Variants in FOXK2 observed in about 807,000 individuals in gnomAD.
FOXK2 encodes the protein forkhead box protein K2.
FOXK2 carries 24 observed loss-of-function variants against 53.3 expected under a neutral mutation model. The ratio of observed to expected loss-of-function variants is 0.45; its 90% CI spans 0.33 to 0.63. The LOEUF is 0.63. Ranked by LOEUF, FOXK2 falls within the 30% of genes least tolerant of loss-of-function variation. The probability of loss-of-function intolerance (pLI) is 0.03; values close to 1 mark genes in which losing one functional copy is unlikely to be tolerated. For missense variants in FOXK2, 952 were observed against 910.5 expected, an observed-to-expected ratio of 1.05 and a Z score of -0.59; for synonymous variants, 505 against 407.1, an observed-to-expected ratio of 1.24 and a Z score of -2.89.
chr17:82,556,171 C>T (rs112110511), intron 1 of FOXK2, among the ~76,000 whole-genome samples: 3,344 of 152,176 alleles, frequency 0.022, 50 homozygotes, highest in African/African-American at 0.034. Context: ...GTTGGCCGGG[C>T]ACGGTGGCTC....
At chr17:82,579,038 A>G (rs767984282) in intron 4 of FOXK2, among the ~76,000 whole-genome samples, 1 of 152,144 alleles carries the variant, frequency 6.6e-6, no homozygotes. Context: ...TCAGACTCGG[A>G]TGCTGCGTGG....
chr17:82,591,904 C>G (rs1381535940), intron 8 of FOXK2, among the ~76,000 whole-genome samples: 3 of 152,196 alleles, frequency 2.0e-5, no homozygotes, highest in Non-Finnish European at 4.4e-5. Context: ...ATGACTTCAT[C>G]TTTGCTGCTG....
At chr17:82,542,650 C>T (rs1470953252) in intron 1 of FOXK2, among the ~76,000 whole-genome samples, 1 of 152,106 alleles carries the variant, frequency 6.6e-6, no homozygotes, top group Non-Finnish European at 1.5e-5. Flanking sequence ...ATAGGAGAAA[C>T]AGCAGAGGAC....
chr17:82,600,107 C>T (rs1218390929), intron 8 of FOXK2: 2 of 152,304 alleles, frequency 1.3e-5, no homozygotes, highest in Non-Finnish European at 2.9e-5. Flanking sequence ...GGGCCTAGGA[C>T]CTGCTTCTCA....
At chr17:82,569,556 A>G (rs1408068192) in intron 3 of FOXK2, among the ~76,000 whole-genome samples, 1 of 152,178 alleles carries the variant, frequency 6.6e-6, no homozygotes, top group Non-Finnish European at 1.5e-5. Context: ...ACTGATGTTC[A>G]CTTTGCAAAA....
chr17:82,540,268 C>T (rs1405253070), intron 1 of FOXK2, among the ~76,000 whole-genome samples: 12 of 145,508 alleles, frequency 8.2e-5, no homozygotes, highest in Non-Finnish European at 3.0e-5. Context: ...GCAACAAGAG[C>T]GAAACTGTCT....
intron 8 of FOXK2, among the ~76,000 whole-genome samples, chr17:82,587,716 G>C (rs35814094): frequency 6.6e-6 from 1 of 152,118 alleles, no homozygotes; most frequent in Non-Finnish European, 1.5e-5. Flanking sequence ...AAAACCGCAC[G>C]GATGTTCTGA....
intron 8 of FOXK2, chr17:82,599,863 C>T (rs557075089): frequency 6.6e-6 from 1 of 152,430 alleles, no homozygotes; most frequent in East Asian, 1.9e-4. Flanking sequence ...TGGGCAAGTC[C>T]CCCTCCCACA....
chr17:82,520,156 G>A lies in FOXK2; in HGVS notation c.268G>A (p.Gly90Ser), dbSNP rs1347101265. 6.6e-7 allele frequency: 1 copy of A among 1,515,010 alleles called. No individual in the cohort carries two copies. The highest frequency in any genetic ancestry group is 2.1e-5 in the Admixed American group (1 of 48,500). 93.8% of individuals were successfully genotyped at this position (1,515,010 alleles called of 1,614,324 possible). ...GATCTTCACGCCCCCGGGCGGCGGC[G>A]GCCATGGCGGGGCCGCTCCGGAGCT... is the stretch of plus-strand genomic sequence containing the variant. ...LEIFTPPGGG[G>S]HGGAAPELPP... is the part of the protein sequence containing the mutation. Residue 90 changes from glycine to serine, a missense_variant, in exon 1 of 9, where the codon GGC (glycine) becomes AGC (serine). Physicochemically the swap from Gly to Ser is moderately conservative, Grantham distance 56. Transcript: ENST00000335255.
In FOXK2 at chr17:82,520,453, C is replaced by T. The variant is rs998277965; in HGVS notation, c.419+146C>T. 2.5e-4 allele frequency: 171 copies of T among 682,088 alleles called. 1 individual carries two copies. The highest frequency in any genetic ancestry group is 1.4e-3 in the South Asian group (19 of 13,328). The allele number at this position is 682,088 out of a possible 1,614,324, so 42.3% of individuals were successfully genotyped here. A position where few individuals can be genotyped will look rare whatever the true frequency, so the allele number is the denominator to read the frequency against. On this transcript the variant is annotated intron_variant, in intron 1 of 8. Coordinates refer to ENST00000335255, the MANE Select transcript of FOXK2 (RefSeq NM_004514.4). ...GGGACCACCAGCGGGACCCAGGCCC[C>T]GGCTGGATCCCAACCCTCGACAGCC... is the stretch of plus-strand genomic sequence containing the variant.
At chr17:82,528,258 T>TA (rs569273451) in intron 1 of FOXK2, among the ~76,000 whole-genome samples, 78 of 152,310 alleles carry the variant, frequency 5.1e-4, no homozygotes, top group African/African-American at 1.6e-3. Flanking sequence ...ATGAGGCTGT[T>TA]ACAGTAACAG....
chr17:82,589,110 T>C (rs146747729), intron 8 of FOXK2, among the ~76,000 whole-genome samples: 181 of 152,266 alleles, frequency 1.2e-3, no homozygotes, highest in Non-Finnish European at 1.9e-3. Flanking sequence ...ATCTGGAATT[T>C]TTCATTATAA....
At chr17:82,567,647 T>G (rs1475801652) in intron 2 of FOXK2, among the ~76,000 whole-genome samples, 3 of 151,632 alleles carry the variant, frequency 2.0e-5, no homozygotes, top group African/African-American at 7.2e-5. Flanking sequence ...TTTCCCTGTC[T>G]TTTCTGTGCC....
intron 1 of FOXK2, among the ~76,000 whole-genome samples, chr17:82,545,380 T>C (rs1372997827): frequency 2.0e-5 from 3 of 152,222 alleles, no homozygotes; most frequent in Non-Finnish European, 2.9e-5. Context: ...TGTTTTTTAT[T>C]GAATACTGTG....
rs935658935 is a variant in FOXK2 at position 82,582,665 on chromosome 17, G to T, written c.910-76G>T. 4.8e-6 allele frequency: 6 copies of T among 1,252,910 alleles called. No individual in the cohort carries two copies. In the Admixed American group the frequency reaches 1.4e-4, roughly 28 times the overall value. The allele number at this position is 1,252,910 out of a possible 1,614,324, so 77.6% of individuals were successfully genotyped here. ...AACATGTAGGTTTCTGCTTTTTAGGGCACTAAAACGAGGACACATTTTTAT... is the reference window on the plus strand; with the variant it reads ...AACATGTAGGTTTCTGCTTTTTAGGTCACTAAAACGAGGACACATTTTTAT... On this transcript the variant is annotated intron_variant, in intron 4 of 8. Transcript: ENST00000335255.
rs1599894298 is a variant in FOXK2, at chr17:82,554,021, A to G, written c.420-9333A>G. Among the ~76,000 whole-genome samples, 3 of 152,130 alleles carry G rather than the reference A, an allele frequency of 2.0e-5. No homozygotes were observed. In the South Asian group the frequency reaches 6.2e-4, roughly 32 times the overall value. ...GGTAATTTTTGTATTTTTAGTAGAG[A>G]TGGGGTTTCACCATGTTAGCCAGGA... On this transcript the variant is annotated intron_variant, in intron 1 of 8. Coordinates refer to ENST00000335255, the MANE Select transcript of FOXK2 (RefSeq NM_004514.4).
intron 1 of FOXK2, among the ~76,000 whole-genome samples, chr17:82,525,047 C>T (rs1200598062): frequency 3.3e-5 from 5 of 151,418 alleles, no homozygotes; most frequent in African/African-American, 9.7e-5. Context: ...ACGATCTCGG[C>T]TCACTGCAAC....
chr17:82,596,126 G>A lies in FOXK2; in HGVS notation c.1787-5177G>A, dbSNP rs371040205. On this transcript the variant is annotated intron_variant, in intron 8 of 8. Transcript: ENST00000335255. ...GGCCACACCTGCGGCCACAGACTGC[G>A]ACCGCGATTGCAGGGAGGAGCATCT... 2.3e-5 allele frequency: 24 copies of A among 1,043,314 alleles called. No individual in the cohort carries two copies. In the South Asian group the frequency reaches 2.4e-4, roughly 10 times the overall value. 64.6% of individuals were successfully genotyped at this position (1,043,314 alleles called of 1,614,324 possible). A position where few individuals can be genotyped will look rare whatever the true frequency, so the allele number is the denominator to read the frequency against.
Position 82,563,384 on chromosome 17 carries a change from C to T in FOXK2, c.450C>T (p.Ile150=). ...CATTCAGGTTCCCGAGCACAAACAT[C>T]AAGATAACGTTCACTGCCCTGTCCA... ...VCTFRFPSTN[I]KITFTALSSE... Residue 150 remains isoleucine (I), a synonymous_variant, in exon 2 of 9, where the codon ATC becomes ATT. Coordinates refer to ENST00000335255, the MANE Select transcript of FOXK2 (RefSeq NM_004514.4). 6.2e-7 allele frequency: 1 copy of T among 1,613,846 alleles called. No homozygotes were observed. The highest frequency in any genetic ancestry group is 1.1e-5 in the South Asian group (1 of 91,050).
Sources: allele counts gnomAD v4.1 joint callset (sites outside exome capture counted in the v4.1 genomes callset), GRCh38; gene constraint gnomAD v4.1.1; transcripts MANE v1.5; gene names NCBI Gene and HGNC (gene_info 2026-07-23, HGNC 2026-07-21).